The following RPS15A variants were observed in gnomAD, a reference collection of about 807,000 sequenced individuals.
The protein encoded by RPS15A is small ribosomal subunit protein uS8.
For missense variants in RPS15A, 62 were observed against 163.4 expected (o/e 0.38, Z 3.38); for synonymous variants, 55 against 58.5 (o/e 0.94, Z 0.27).
intron 3 of RPS15A, among the ~76,000 whole-genome samples, chr16:18,787,027 G>T (rs1383273587): frequency 2.0e-5 from 3 of 152,126 alleles, no homozygotes; most frequent in Non-Finnish European, 4.4e-5. Context: ...ACTGCGCCTG[G>T]CTAGTTTTTC....
chr16:18,784,529 A>G, intron 4 of RPS15A: 1 of 499,364 alleles, frequency 2.0e-6, no homozygotes, highest in Non-Finnish European at 3.5e-6. Flanking sequence ...CACAGGCGTG[A>G]GCCACTGTGC....
intron 4 of RPS15A, 78 bp downstream of exon 4, chr16:18,784,660 G>C (rs1238195359): frequency 1.4e-5 from 16 of 1,147,590 alleles, no homozygotes; most frequent in African/African-American, 3.1e-5. Context: ...CAGAAAAAAA[G>C]AAAAAAACCC....
chr16:18,783,888 A>G (rs925274914), intron 4 of RPS15A: 4 of 352,560 alleles, frequency 1.1e-5, no homozygotes, highest in African/African-American at 4.3e-5. Context: ...GAACTCAGAT[A>G]GGCTTTTAAG....
rs73541337 is a variant in RPS15A, at chr16:18,783,470, T to C, written c.300-368A>G. The C allele has an allele frequency of 4.0e-3, 1,413 of 352,794 alleles. 23 individuals carry two copies. The highest frequency in any genetic ancestry group is 0.027 in the African/African-American group (1,298 of 47,210). The allele number at this position is 352,794 out of a possible 1,614,324, so 21.9% of individuals were successfully genotyped here. The stretch of plus-strand genomic sequence containing the variant: ...TTGAGTTTGAATTGTGTTTCTGCCA[T>C]GTACTGTATAATAGCTAAACTATTA... On this transcript the variant is annotated intron_variant, in intron 4 of 4. Transcript: ENST00000322989.
At chr16:18,787,940 T>C (rs2029922575) in intron 3 of RPS15A, 123 bp downstream of exon 3, 1 of 683,676 alleles carries the variant, frequency 1.5e-6, no homozygotes, top group Non-Finnish European at 2.6e-6. Flanking sequence ...TTAAACCTTT[T>C]TAAAGTAACT....
chr16:18,785,706 A>C (rs1348163401), intron 3 of RPS15A: 3 of 152,242 alleles, frequency 2.0e-5, no homozygotes, highest in African/African-American at 7.2e-5. Flanking sequence ...TTACCCCATC[A>C]GCTATGCTGT....
At chr16:18,788,209 G>A in intron 2 of RPS15A, 67 bp from the exon 3 acceptor site, 2 of 1,011,978 alleles carry the variant, frequency 2.0e-6, no homozygotes, top group Non-Finnish European at 1.5e-6. Context: ...CTGTGCTCTA[G>A]CCTACTCAAT....
intron 3 of RPS15A, 85 bp downstream of exon 3, chr16:18,787,978 C>A: frequency 1.2e-6 from 1 of 836,278 alleles, no homozygotes; most frequent in Non-Finnish European, 2.1e-6. Flanking sequence ...CACCACTACT[C>A]AGTATTTCCA....
Position 18,786,106 on chromosome 16 carries a change from T to G in RPS15A, c.214-1283A>C, listed in dbSNP as rs1904043965. On this transcript the variant is annotated intron_variant, in intron 3 of 4. Transcript: ENST00000322989. ...TTCCAAGAAACCAAAAATTGTTTGC[T>G]TTGTCGAAAGTCACAGAACAGGCCA... is the stretch of plus-strand genomic sequence containing the variant. 2.0e-5 allele frequency: 3 copies of G among 153,524 alleles called. No homozygotes were observed. In the Admixed American group the frequency reaches 2.0e-4, roughly 10 times the overall value. 9.5% of individuals were successfully genotyped at this position (153,524 alleles called of 1,614,324 possible). A position where few individuals can be genotyped will look rare whatever the true frequency, so the allele number is the denominator to read the frequency against.
At chr16:18,786,400 T>C (rs1395735179) in intron 3 of RPS15A, 1 of 155,284 alleles carries the variant, frequency 6.4e-6, no homozygotes, top group Non-Finnish European at 1.5e-5. Context: ...GCATATCAAC[T>C]GTTGTAGGCT....
At chr16:18,787,164 G>C (rs1207087586) in intron 3 of RPS15A, among the ~76,000 whole-genome samples, 3 of 152,186 alleles carry the variant, frequency 2.0e-5, no homozygotes, top group Admixed American at 2.0e-4. Context: ...TGCCCAGCTA[G>C]TTCTTCAAAT....
chr16:18,789,191 G>A (rs1277761297), intron 1 of RPS15A, 73 bp from the exon 2 acceptor site: 3 of 1,429,228 alleles, frequency 2.1e-6, no homozygotes, highest in Admixed American at 2.3e-5. Flanking sequence ...ATTACACTGC[G>A]GAAGTATCCT....
intron 1 of RPS15A, 52 bp from the exon 2 acceptor site, chr16:18,789,170 A>G: frequency 1.3e-6 from 2 of 1,558,784 alleles, no homozygotes; most frequent in Non-Finnish European, 1.7e-6. Context: ...CAACATCAAC[A>G]GACACCAACC....
Position 18,788,004 on chromosome 16 carries a change from T to A in RPS15A, c.213+59A>T, listed in dbSNP as rs775087575. On this transcript the variant is annotated intron_variant, in intron 3 of 4. Coordinates refer to ENST00000322989, the MANE Select transcript of RPS15A (RefSeq NM_001019.5). Reference sequence around the variant, plus strand: ...AGTATTTCCAAAGGCAATTACAACATTTAACGCCACAGTAAAAAATTCTTA... The same window carrying A: ...AGTATTTCCAAAGGCAATTACAACAATTAACGCCACAGTAAAAAATTCTTA... 5 of 1,042,678 alleles carry A rather than the reference T, an allele frequency of 4.8e-6. No homozygotes were observed. In the Admixed American group the frequency reaches 8.5e-5, roughly 18 times the overall value. The allele number at this position is 1,042,678 out of a possible 1,614,324, so 64.6% of individuals were successfully genotyped here.
chr16:18,784,879 C>CACAAGA, intron 3 of RPS15A, 56 bp from the exon 4 acceptor site: 50 of 1,356,544 alleles, frequency 3.7e-5, no homozygotes, highest in Non-Finnish European at 5.0e-5. Context: ...AACAGAAAAA[C>CACAAGA]TGAGTAACAC....
intron 2 of RPS15A, 96 bp downstream of exon 2, chr16:18,788,885 A>G: frequency 7.8e-7 from 1 of 1,287,400 alleles, no homozygotes; most frequent in South Asian, 1.4e-5. Context: ...CTCAGGTATG[A>G]CAGACATACT....
intron 4 of RPS15A, chr16:18,783,629 A>G (rs558950636): frequency 8.8e-5 from 40 of 455,008 alleles, no homozygotes; most frequent in African/African-American, 7.8e-4. Context: ...GATTTTGGTG[A>G]GAATACCGTA....
chr16:18,783,753 A>G, intron 4 of RPS15A: 1 of 454,014 alleles, frequency 2.2e-6, no homozygotes, highest in Non-Finnish European at 4.4e-6. Flanking sequence ...GTCAGCTCAT[A>G]AAGTGCTTTA....
chr16:18,787,520 C>T (rs1484876522), intron 3 of RPS15A, among the ~76,000 whole-genome samples: 1 of 152,202 alleles, frequency 6.6e-6, no homozygotes, highest in Non-Finnish European at 1.5e-5. Flanking sequence ...GCCCCCAAAA[C>T]ACACGCAATC....
Sources: allele counts gnomAD v4.1 joint callset (sites outside exome capture counted in the v4.1 genomes callset), GRCh38; gene constraint gnomAD v4.1.1; transcripts MANE v1.5; gene names NCBI Gene and HGNC (gene_info 2026-07-23, HGNC 2026-07-21).